The following ARSB variants were observed in gnomAD, a reference collection of about 807,000 sequenced individuals.
The protein encoded by ARSB is N-acetylgalactosamine-4-sulfatase.
Under a neutral mutation model 50.9 loss-of-function variants are expected in ARSB, and 41 were observed. That is an observed-to-expected ratio of 0.81 (90% CI 0.63 to 1.04). ARSB has a LOEUF of 1.04. Among genes scored for constraint, ARSB ranks in the 50% least tolerant of loss-of-function variants. The pLI, the probability that ARSB is intolerant of heterozygous loss-of-function variation, is 0.00. For synonymous variants in ARSB, 269 were observed against 284.8 expected (o/e 0.94, Z 0.56); for missense variants, 672 against 693.3 (o/e 0.97, Z 0.35).
intron 5 of ARSB, among the ~76,000 whole-genome samples, chr5:78,855,298 C>A (rs1446277972): frequency 6.6e-6 from 1 of 152,192 alleles, no homozygotes; most frequent in Non-Finnish European, 1.5e-5. Context: ...CCCTAGGATG[C>A]AGCGTGCTGC....
intron 6 of ARSB, among the ~76,000 whole-genome samples, chr5:78,797,243 C>T (rs908485564): frequency 1.1e-4 from 17 of 152,058 alleles, no homozygotes; most frequent in Admixed American, 8.5e-4. Context: ...ATTACAGGCA[C>T]GAGCCACTGC....
intron 4 of ARSB, among the ~76,000 whole-genome samples, chr5:78,899,339 T>C (rs1475406906): frequency 6.6e-6 from 1 of 152,216 alleles, no homozygotes; most frequent in Non-Finnish European, 1.5e-5. Context: ...TTTCTGTAGC[T>C]GGATATTTCT....
At position 78,898,010 on chromosome 5, in the gene ARSB, G is replaced by A. The variant is rs185461526; in HGVS notation, c.899-12183C>T. On this transcript the variant is annotated intron_variant, in intron 4 of 7. Transcript: ENST00000264914. ...AGGCCGGGTGCGGTGGCTGACGCCTGTAATCCCAGCACTTTGGGAGGCTGA... is the reference window on the plus strand; with the variant it reads ...AGGCCGGGTGCGGTGGCTGACGCCTATAATCCCAGCACTTTGGGAGGCTGA... 2.1e-3 allele frequency among the ~76,000 whole-genome samples: 313 copies of A among 152,296 alleles called. 1 individual carries two copies. The highest frequency in any genetic ancestry group is 5.8e-3 in the African/African-American group (242 of 41,558).
At chr5:78,926,307 A>C (rs1750047979) in intron 4 of ARSB, among the ~76,000 whole-genome samples, 1 of 152,188 alleles carries the variant, frequency 6.6e-6, no homozygotes, top group African/African-American at 2.4e-5. Flanking sequence ...TTCTTTCCCC[A>C]TTCTGCCTCC....
chr5:78,906,892 C>T (rs1289322143), intron 4 of ARSB, among the ~76,000 whole-genome samples: 8 of 152,064 alleles, frequency 5.3e-5, no homozygotes, highest in South Asian at 2.1e-4. Context: ...TGAATTGATA[C>T]AGGAGCATAC....
intron 4 of ARSB, among the ~76,000 whole-genome samples, chr5:78,894,441 T>C (rs1408829862): frequency 6.6e-6 from 1 of 152,222 alleles, no homozygotes; most frequent in East Asian, 1.9e-4. Context: ...TAGTAAGATA[T>C]GCCTTTAAGG....
rs1046487892 is a variant in ARSB, at chr5:78,897,386, T to C, written c.899-11559A>G. ...ACCACTGCCCTATACAATGGCAGGATTGGGACATATGGCCAGAGATAGGTA... is the reference window on the plus strand; with the variant it reads ...ACCACTGCCCTATACAATGGCAGGACTGGGACATATGGCCAGAGATAGGTA... On this transcript the variant is annotated intron_variant, in intron 4 of 7. Transcript: ENST00000264914. 2.6e-5 allele frequency among the ~76,000 whole-genome samples: 4 copies of C among 152,178 alleles called. No individual in the cohort carries two copies. The East Asian group carries it at 7.7e-4, about 29-fold the overall frequency.
chr5:78,939,483 C>T (rs1283021810), intron 4 of ARSB, among the ~76,000 whole-genome samples: 1 of 151,984 alleles, frequency 6.6e-6, no homozygotes, highest in Admixed American at 6.6e-5. Flanking sequence ...CTTCCTGTGT[C>T]CATGTTTTCT....
chr5:78,865,876 C>A (rs1041369991), intron 5 of ARSB, among the ~76,000 whole-genome samples: 2 of 152,204 alleles, frequency 1.3e-5, no homozygotes, highest in African/African-American at 4.8e-5. Flanking sequence ...CAGTTCCCAA[C>A]AAGTGCCTCA....
At chr5:78,849,624 G>A (rs1471834769) in intron 5 of ARSB, among the ~76,000 whole-genome samples, 1 of 151,542 alleles carries the variant, frequency 6.6e-6, no homozygotes, top group African/African-American at 2.4e-5. Context: ...TGATGGGGAT[G>A]GCATTGAATC....
At chr5:78,953,941 T>C (rs1220549404) in intron 4 of ARSB, among the ~76,000 whole-genome samples, 1 of 152,052 alleles carries the variant, frequency 6.6e-6, no homozygotes, top group Non-Finnish European at 1.5e-5. Flanking sequence ...AGTTATGACA[T>C]CTATAAATTA....
chr5:78,890,783 G>C (rs989380939), intron 4 of ARSB, among the ~76,000 whole-genome samples: 5 of 152,126 alleles, frequency 3.3e-5, no homozygotes, highest in African/African-American at 1.2e-4. Flanking sequence ...CAGTCACGTA[G>C]AACTAACTTC....
At chr5:78,941,564 C>G (rs1474172178) in intron 4 of ARSB, among the ~76,000 whole-genome samples, 6 of 152,148 alleles carry the variant, frequency 3.9e-5, no homozygotes, top group East Asian at 1.9e-4. Context: ...CTTTGGTTCT[C>G]TTTATATGCT....
At chr5:78,826,938 T>C (rs1458924333) in intron 6 of ARSB, among the ~76,000 whole-genome samples, 1 of 152,132 alleles carries the variant, frequency 6.6e-6, no homozygotes, top group African/African-American at 2.4e-5. Flanking sequence ...GAATCACCTA[T>C]GACAGGAAGT....
chr5:78,853,474 G>A (rs969186832), intron 5 of ARSB, among the ~76,000 whole-genome samples: 2 of 152,216 alleles, frequency 1.3e-5, no homozygotes, highest in East Asian at 1.9e-4. Flanking sequence ...CTACTGGGGG[G>A]TGCCTCCCGG....
intron 5 of ARSB, among the ~76,000 whole-genome samples, chr5:78,849,230 A>T (rs1745619390): frequency 2.6e-5 from 4 of 151,938 alleles, no homozygotes; most frequent in Admixed American, 2.6e-4. Context: ...TCCATCTTGA[A>T]TTAATTTTTG....
At chr5:78,826,666 CT>C (rs1561442799) in intron 6 of ARSB, among the ~76,000 whole-genome samples, 1 of 152,132 alleles carries the variant, frequency 6.6e-6, no homozygotes, top group Non-Finnish European at 1.5e-5. Context: ...TGTATATTCT[CT>C]GGTTCAAAAC....
In ARSB at chr5:78,798,026, T is replaced by C. The variant is rs548154286; in HGVS notation, c.1214-16052A>G. Among the ~76,000 whole-genome samples, 5 of 152,084 alleles carry C rather than the reference T, an allele frequency of 3.3e-5. No homozygotes were observed. In the East Asian group the frequency reaches 5.8e-4, roughly 18 times the overall value. On this transcript the variant is annotated intron_variant, in intron 6 of 7. Coordinates refer to ENST00000264914, the MANE Select transcript of ARSB (RefSeq NM_000046.5). ...GTTAATGTCAAAGAGAGGGAAAGTA[T>C]GAGAAAGCAGGAAAGGAGATAACTG... is the stretch of plus-strand genomic sequence containing the variant.
chr5:78,830,409 C>T (rs1316237219), intron 6 of ARSB, among the ~76,000 whole-genome samples: 1 of 152,194 alleles, frequency 6.6e-6, no homozygotes, highest in Non-Finnish European at 1.5e-5. Flanking sequence ...CAGAGAAGCC[C>T]TAGAAAATGT....
Sources: gnomAD v4.1 joint callset for allele counts (sites outside exome capture counted in the v4.1 genomes callset) on GRCh38, gnomAD v4.1.1 for gene constraint, MANE v1.5 for transcripts, NCBI Gene and HGNC (gene_info 2026-07-23, HGNC 2026-07-21) for gene names.